Variants in SEC24B observed in about 807,000 individuals in gnomAD.
SEC24B encodes the protein protein transport protein Sec24B.
Under a neutral mutation model 142.8 loss-of-function variants are expected in SEC24B, and 45 were observed. The observed-to-expected ratio is 0.32, with a 90% confidence interval of 0.25 to 0.40. The LOEUF (loss-of-function observed/expected upper bound fraction) is 0.40, where lower values mean the gene tolerates loss of function less well. Among genes scored for constraint, SEC24B ranks in the 10% least tolerant of loss-of-function variants. SEC24B has a pLI of 1.00. For missense variants in SEC24B, 1,409 were observed against 1,526.8 expected (o/e 0.92, Z 1.29); for synonymous variants, 574 against 568.2 (o/e 1.01, Z -0.15).
chr4:109,498,435 G>T (rs1735757453), intron 6 of SEC24B, among the ~76,000 whole-genome samples: 3 of 152,142 alleles, frequency 2.0e-5, no homozygotes, highest in African/African-American at 7.2e-5. Context: ...TCGGCTCGCG[G>T]CTCACTGCCT....
rs1007737455 is a variant in SEC24B, at chr4:109,434,077, G to C, written c.133+75G>C. ...GCCTGCACGGCCACATCGGGGCGGG[G>C]CGGGCCGGGCCGGGAAGGGCGTTCG... On this transcript the variant is annotated intron_variant, in intron 1 of 23. Coordinates refer to ENST00000265175, the MANE Select transcript of SEC24B (RefSeq NM_006323.5). The C allele has an allele frequency of 9.5e-5, 92 of 965,116 alleles. 1 individual carries two copies. Among genetic ancestry groups the C allele is most frequent in the Admixed American group, 8.9e-4 (15 of 16,936 alleles). The allele number at this position is 965,116 out of a possible 1,614,324, so 59.8% of individuals were successfully genotyped here. A position where few individuals can be genotyped will look rare whatever the true frequency, so the allele number is the denominator to read the frequency against.
At position 109,460,579 on chromosome 4, in the gene SEC24B, A is replaced by G. The variant is rs563579433; in HGVS notation, c.134-2322A>G. Reference sequence around the variant, plus strand: ...ATCATTGGTTAAGAGCATAAACTTGAGCCAGATTGCCTGATTCAAATTCCG... The same window carrying G: ...ATCATTGGTTAAGAGCATAAACTTGGGCCAGATTGCCTGATTCAAATTCCG... On this transcript the variant is annotated intron_variant, in intron 1 of 23. Transcript: ENST00000265175. Among the ~76,000 whole-genome samples, 3 of 152,220 alleles carry G rather than the reference A, an allele frequency of 2.0e-5. No individual in the cohort carries two copies. The South Asian group carries it at 6.2e-4, about 32-fold the overall frequency.
chr4:109,525,875 TCCTTTATTTTA>T (rs945923286), intron 16 of SEC24B, among the ~76,000 whole-genome samples: 1 of 152,132 alleles, frequency 6.6e-6, no homozygotes, highest in Non-Finnish European at 1.5e-5. Flanking sequence ...TTTGTTTTAA[TCCTTTATTTTA>T]CCTTTATTTT....
intron 11 of SEC24B, among the ~76,000 whole-genome samples, chr4:109,520,098 A>G (rs758677739): frequency 9.2e-5 from 14 of 152,218 alleles, no homozygotes; most frequent in Non-Finnish European, 1.3e-4. Flanking sequence ...AGTATATTCA[A>G]TCTTTTCTTG....
At chr4:109,526,803 A>G (rs1211875850) in intron 17 of SEC24B, among the ~76,000 whole-genome samples, 1 of 152,166 alleles carries the variant, frequency 6.6e-6, no homozygotes, top group Non-Finnish European at 1.5e-5. Flanking sequence ...GTATGTTCAT[A>G]CTCTGCAGAT....
chr4:109,471,959 T>C (rs778403137), intron 2 of SEC24B, among the ~76,000 whole-genome samples: 3 of 152,204 alleles, frequency 2.0e-5, no homozygotes, highest in Non-Finnish European at 4.4e-5. Flanking sequence ...CTGTAAAATA[T>C]TGTGATGATG....
At chr4:109,502,142 C>T (rs1411078879) in intron 6 of SEC24B, among the ~76,000 whole-genome samples, 7 of 152,132 alleles carry the variant, frequency 4.6e-5, no homozygotes, top group Admixed American at 4.6e-4. Context: ...GCTGAGTAAA[C>T]TGATATGCAA....
intron 6 of SEC24B, among the ~76,000 whole-genome samples, chr4:109,499,400 A>C (rs1291636407): frequency 2.0e-5 from 3 of 152,164 alleles, no homozygotes; most frequent in Non-Finnish European, 4.4e-5. Context: ...CTGTGATCCC[A>C]GTTAAGACAG....
chr4:109,515,347 G>A (rs1054580719), intron 10 of SEC24B, among the ~76,000 whole-genome samples: 2 of 151,998 alleles, frequency 1.3e-5, no homozygotes, highest in African/African-American at 2.4e-5. Flanking sequence ...GTAATCCACC[G>A]GCCTCAGCCT....
At chr4:109,473,266 A>G in intron 3 of SEC24B, 80 bp downstream of exon 3, 1 of 973,350 alleles carries the variant, frequency 1.0e-6, no homozygotes, top group Non-Finnish European at 1.4e-6. Context: ...AGTTACTTAT[A>G]ATCTCAATCC....
At chr4:109,464,609 T>G (rs1247253741) in intron 2 of SEC24B, among the ~76,000 whole-genome samples, 1 of 152,240 alleles carries the variant, frequency 6.6e-6, no homozygotes, top group Non-Finnish European at 1.5e-5. Context: ...GAATCTGCTT[T>G]TGAACCGAAT....
Position 109,473,099 on chromosome 4 carries a change from T to C in SEC24B, c.973T>C (p.Ser325Pro). ...STVLSGSSGS[S>P]STRTPPTANH... ...TGTTTTATCAGGATCCTCAGGATCC[T>C]CATCAACAAGAACACCTCCCACTGC... The change falls in exon 3 of 24, where the codon TCA becomes CCA. Residue 325 changes from serine to proline, a missense_variant. Physicochemically the swap from Ser to Pro is moderately conservative, Grantham distance 74. Around this residue, in one of 2 missense-constraint regions of SEC24B, gnomAD observed 709 missense variants for 673.5 expected, o/e 1.05. Transcript: ENST00000265175. 1.2e-6 allele frequency: 2 copies of C among 1,602,194 alleles called. No homozygotes were observed. The highest frequency in any genetic ancestry group is 1.7e-5 in the Admixed American group (1 of 58,162).
chr4:109,517,976 TTTA>T (rs1447018050), intron 11 of SEC24B, among the ~76,000 whole-genome samples: 6 of 148,958 alleles, frequency 4.0e-5, no homozygotes, highest in African/African-American at 7.8e-5. Flanking sequence ...TATTTATTTA[TTTA>T]TTTTTTGAGA....
intron 1 of SEC24B, among the ~76,000 whole-genome samples, chr4:109,452,316 T>G (rs1024489835): frequency 2.0e-5 from 3 of 152,232 alleles, no homozygotes; most frequent in Non-Finnish European, 4.4e-5. Flanking sequence ...TATTTGTCCC[T>G]TCCTCTGTTA....
chr4:109,486,979 A>G (rs1280296106), intron 4 of SEC24B, among the ~76,000 whole-genome samples: 3 of 152,098 alleles, frequency 2.0e-5, no homozygotes, highest in Non-Finnish European at 2.9e-5. Flanking sequence ...AGCCTGGCTA[A>G]CATAACGAAA....
intron 3 of SEC24B, among the ~76,000 whole-genome samples, chr4:109,473,556 TTTGA>T (rs1473659498): frequency 5.9e-5 from 9 of 152,182 alleles, no homozygotes; most frequent in Non-Finnish European, 1.0e-4. Context: ...CCATATCCTA[TTTGA>T]TTATTTCTGT....
At chr4:109,522,800 T>C (rs1256784397) in intron 14 of SEC24B, among the ~76,000 whole-genome samples, 2 of 152,210 alleles carry the variant, frequency 1.3e-5, no homozygotes. Flanking sequence ...CATTGGAGAA[T>C]ATATTGTGCG....
chr4:109,440,466 G>C (rs1428320181), intron 1 of SEC24B, among the ~76,000 whole-genome samples: 1 of 152,146 alleles, frequency 6.6e-6, no homozygotes, highest in Non-Finnish European at 1.5e-5. Flanking sequence ...ATTCAGCCCT[G>C]GAGAAGCTAC....
At chr4:109,515,045 A>G (rs1561163007) in intron 10 of SEC24B, among the ~76,000 whole-genome samples, 1 of 152,146 alleles carries the variant, frequency 6.6e-6, no homozygotes, top group African/African-American at 2.4e-5. Flanking sequence ...GCAAGAAATA[A>G]TCTTTTAAGT....
Sources: gnomAD v4.1 joint callset for allele counts (sites outside exome capture counted in the v4.1 genomes callset) on GRCh38, gnomAD v4.1.1 for gene constraint, gnomAD v4.1.1 regional missense constraint, MANE v1.5 for transcripts, NCBI Gene and HGNC (gene_info 2026-07-23, HGNC 2026-07-21) for gene names.